PPM1E: variants seen among roughly 807,000 people sequenced by gnomAD.
PPM1E encodes the protein protein phosphatase 1E.
A neutral mutation model predicts 65.9 loss-of-function variants in PPM1E; 20 were observed. The ratio of observed to expected loss-of-function variants is 0.30; its 90% CI spans 0.21 to 0.44. The LOEUF (loss-of-function observed/expected upper bound fraction) is 0.44. Among genes scored for constraint, PPM1E ranks in the 20% least tolerant of loss-of-function variants. The pLI is 1.00. For missense variants in PPM1E, 713 were observed against 953.1 expected (o/e 0.75, Z 3.32); for synonymous variants, 352 against 374.9 (o/e 0.94, Z 0.70).
intron 6 of PPM1E, among the ~76,000 whole-genome samples, chr17:58,973,332 G>T (rs1020032292): frequency 2.1e-4 from 32 of 151,286 alleles, no homozygotes; most frequent in African/African-American, 7.8e-4. Context: ...CAGGAATATT[G>T]CTTGAACCTG....
chr17:58,776,248 G>T (rs1224431338), intron 1 of PPM1E, among the ~76,000 whole-genome samples: 1 of 152,000 alleles, frequency 6.6e-6, no homozygotes, highest in Non-Finnish European at 1.5e-5. Flanking sequence ...GATCCCTTGA[G>T]CCCAGGAGTT....
chr17:58,963,806 T>A (rs1021539457), intron 2 of PPM1E, among the ~76,000 whole-genome samples: 2 of 152,082 alleles, frequency 1.3e-5, no homozygotes, highest in Non-Finnish European at 2.9e-5. Context: ...GGAGAATGGC[T>A]TGAGCCCAGG....
chr17:58,784,523 A>G (rs1306558609), intron 1 of PPM1E, among the ~76,000 whole-genome samples: 1 of 126,084 alleles, frequency 7.9e-6, no homozygotes, highest in African/African-American at 2.9e-5. Flanking sequence ...TTTTTTTGAG[A>G]CGGAGTCTTT....
In PPM1E at chr17:58,787,568, A is replaced by T. The variant is rs536437497; in HGVS notation, c.464+31107A>T. Among the ~76,000 whole-genome samples the T allele has an allele frequency of 1.6e-4, 24 of 152,236 alleles. No individual in the cohort carries two copies. In the South Asian group the frequency reaches 5.0e-3, roughly 32 times the overall value. ...GCACTTACCATTCCAAAGAGTCTAG[A>T]GAGTATACATAACCATACAGAAGTT... On this transcript the variant is annotated intron_variant, in intron 1 of 6. Coordinates refer to ENST00000308249, the MANE Select transcript of PPM1E (RefSeq NM_014906.5).
At chr17:58,815,136 A>G (rs1010471176) in intron 1 of PPM1E, among the ~76,000 whole-genome samples, 28 of 152,216 alleles carry the variant, frequency 1.8e-4, no homozygotes, top group Non-Finnish European at 3.7e-4. Flanking sequence ...ACTATCTTTT[A>G]CCAGATTAAC....
chr17:58,774,322 A>C (rs1309446344), intron 1 of PPM1E, among the ~76,000 whole-genome samples: 1 of 152,198 alleles, frequency 6.6e-6, no homozygotes, highest in African/African-American at 2.4e-5. Flanking sequence ...ATGGTGGAGT[A>C]TAAAATATAA....
chr17:58,980,443 A>C lies in PPM1E; in HGVS notation c.1680A>C (p.Gln560His), dbSNP rs2031288399. ...TDRTSLSPGS[Q>H]INVLEDPGYL... ...GAACTAGCCTGAGCCCAGGGTCCCAAATCAACGTGCTGGAAGACCCAGGCT... is the reference window on the plus strand; with the variant it reads ...GAACTAGCCTGAGCCCAGGGTCCCACATCAACGTGCTGGAAGACCCAGGCT... The change falls in exon 7 of 7, where the codon CAA becomes CAC. Residue 560 changes from glutamine (Q) to histidine (H), a missense_variant. Coordinates refer to ENST00000308249, the MANE Select transcript of PPM1E (RefSeq NM_014906.5). This position sits in a 1 kb window ranked among gnomAD's most constrained non-coding sequence, Gnocchi z 4.7. 7 of 1,613,998 alleles carry C rather than the reference A, an allele frequency of 4.3e-6. No individual in the cohort carries two copies. Among genetic ancestry groups the C allele is most frequent in the African/African-American group, 1.3e-5 (1 of 74,898 alleles).
At chr17:58,897,797 G>A (rs996202744) in intron 1 of PPM1E, 1 of 152,298 alleles carries the variant, frequency 6.6e-6, no homozygotes, top group South Asian at 2.1e-4. Context: ...AGCCATTGCT[G>A]CTGAAGGTGT....
At chr17:58,834,949 A>C (rs1805928383) in intron 1 of PPM1E, among the ~76,000 whole-genome samples, 1 of 152,204 alleles carries the variant, frequency 6.6e-6, no homozygotes, top group Non-Finnish European at 1.5e-5. Flanking sequence ...ATTGCATTAA[A>C]CCAACTGCAG....
intron 1 of PPM1E, among the ~76,000 whole-genome samples, chr17:58,788,275 T>A (rs1161079015): frequency 1.3e-5 from 2 of 152,152 alleles, no homozygotes; most frequent in Admixed American, 6.6e-5. Context: ...GATCTCGTAC[T>A]CTTGACCTCA....
At chr17:58,801,929 T>A (rs1407180056) in intron 1 of PPM1E, among the ~76,000 whole-genome samples, 1 of 152,096 alleles carries the variant, frequency 6.6e-6, no homozygotes, top group African/African-American at 2.4e-5. Context: ...GGTAATTTTT[T>A]GTATTTTCAG....
intron 1 of PPM1E, among the ~76,000 whole-genome samples, chr17:58,922,980 A>G (rs943282553): frequency 2.6e-5 from 4 of 152,186 alleles, no homozygotes; most frequent in Non-Finnish European, 5.9e-5. Context: ...GGTTGAAATA[A>G]ATGTGAATTT....
intron 1 of PPM1E, among the ~76,000 whole-genome samples, chr17:58,804,813 GAATGTGT>G (rs1292511306): frequency 6.6e-6 from 1 of 151,938 alleles, no homozygotes; most frequent in Non-Finnish European, 1.5e-5. Context: ...TTGTTACATA[GAATGTGT>G]AATGATCAAG....
chr17:58,926,854 C>T (rs1014860407), intron 1 of PPM1E, among the ~76,000 whole-genome samples: 2 of 152,062 alleles, frequency 1.3e-5, no homozygotes, highest in African/African-American at 2.4e-5. Flanking sequence ...ATTTTTCTAA[C>T]TGAATGGACT....
chr17:58,904,796 A>C (rs1207315108), intron 1 of PPM1E, among the ~76,000 whole-genome samples: 1 of 150,968 alleles, frequency 6.6e-6, no homozygotes, highest in African/African-American at 2.4e-5. Flanking sequence ...TTAATTTCAC[A>C]TTCCCCACTT....
chr17:58,879,391 G>A (rs1235658800), intron 1 of PPM1E, among the ~76,000 whole-genome samples: 17 of 150,612 alleles, frequency 1.1e-4, no homozygotes, highest in Non-Finnish European at 8.9e-5. Context: ...AGCTTCTACG[G>A]GTGTGTACCA....
chr17:58,765,152 CT>C (rs2049860547), intron 1 of PPM1E, among the ~76,000 whole-genome samples: 1 of 148,514 alleles, frequency 6.7e-6, no homozygotes, highest in Non-Finnish European at 1.5e-5. Flanking sequence ...CATTCCAAAA[CT>C]TTGTAATGAA....
chr17:58,778,497 C>G (rs990743553), intron 1 of PPM1E, among the ~76,000 whole-genome samples: 1 of 149,826 alleles, frequency 6.7e-6, no homozygotes, highest in Non-Finnish European at 1.5e-5. Flanking sequence ...GCAACTTCTG[C>G]CTGTCGGGTT....
At chr17:58,776,653 A>G (rs1297486564) in intron 1 of PPM1E, among the ~76,000 whole-genome samples, 3 of 152,198 alleles carry the variant, frequency 2.0e-5, no homozygotes, top group African/African-American at 7.2e-5. Context: ...TTATTTTAAT[A>G]AATACTGAAA....
Sources: gnomAD v4.1 joint callset for allele counts (sites outside exome capture counted in the v4.1 genomes callset) on GRCh38, gnomAD v4.1.1 for gene constraint, Gnocchi (gnomAD v3.1) non-coding constraint, MANE v1.5 for transcripts, NCBI Gene and HGNC (gene_info 2026-07-23, HGNC 2026-07-21) for gene names.